PC: variants seen among roughly 807,000 people sequenced by gnomAD.
PC encodes pyruvate carboxylase, mitochondrial.
A neutral mutation model predicts 107.8 loss-of-function variants in PC; 46 were observed. The observed-to-expected ratio is 0.43, with a 90% confidence interval of 0.34 to 0.55. PC has a LOEUF of 0.55. Among genes scored for constraint, PC ranks in the 20% least tolerant of loss-of-function variants. The probability of loss-of-function intolerance (pLI) is 0.04; values close to 1 mark genes in which losing one functional copy is unlikely to be tolerated. For synonymous variants in PC, 662 were observed against 684.7 expected (o/e 0.97, Z 0.52); for missense variants, 1,241 against 1,643.1 (o/e 0.76, Z 4.23).
At chr11:66,880,717 G>A (rs940102400) in intron 3 of PC, among the ~76,000 whole-genome samples, 6 of 152,240 alleles carry the variant, frequency 3.9e-5, no homozygotes, top group African/African-American at 9.6e-5. Flanking sequence ...CAGAATAGGC[G>A]ATGGCCAGGC....
rs544488113 is a variant in PC, at chr11:66,903,328, A to T, written c.1-31169T>A. On this transcript the variant is annotated intron_variant, in intron 3 of 22. Transcript: ENST00000393960. ...AATAATTCATAATAGCTGGAGTGCC[A>T]GGCCTTGGGTGAGGCACCATCCTGA... is the stretch of plus-strand genomic sequence containing the variant. Among the ~76,000 whole-genome samples, 7 of 152,318 alleles carry T rather than the reference A, an allele frequency of 4.6e-5. No individual in the cohort carries two copies. The East Asian group carries it at 1.3e-3, about 29-fold the overall frequency.
chr11:66,929,007 C>T (rs1001346539), intron 3 of PC, among the ~76,000 whole-genome samples: 1 of 152,118 alleles, frequency 6.6e-6, no homozygotes, highest in African/African-American at 2.4e-5. Flanking sequence ...GTAAGCAACC[C>T]TATCTGTACT....
intron 1 of PC, among the ~76,000 whole-genome samples, chr11:66,955,109 C>T (rs1591325802): frequency 6.6e-6 from 1 of 152,346 alleles, no homozygotes; most frequent in South Asian, 2.1e-4. Context: ...CCATCTTGCA[C>T]CCTTCTCTCC....
At chr11:66,956,221 G>A (rs1176731248) in intron 1 of PC, among the ~76,000 whole-genome samples, 2 of 152,166 alleles carry the variant, frequency 1.3e-5, no homozygotes, top group African/African-American at 4.8e-5. Flanking sequence ...ACACCCAACA[G>A]TGAAGCTGTT....
intron 3 of PC, among the ~76,000 whole-genome samples, chr11:66,901,533 G>A (rs138913952): frequency 2.9e-4 from 44 of 152,178 alleles, no homozygotes; most frequent in Admixed American, 1.2e-3. Context: ...ACAATGGCGC[G>A]ATCTTGGCTC....
chr11:66,944,627 A>ATAACAATATTCTATTGT lies in PC; in HGVS notation c.-1+7802_-1+7803insACAATAGAATATTGTTA, dbSNP rs1949243348. 3.4e-5 allele frequency among the ~76,000 whole-genome samples: 4 copies of ATAACAATATTCTATTGT among 117,744 alleles called. 1 individual carries two copies. The highest frequency in any genetic ancestry group is 1.2e-4 in the African/African-American group (4 of 32,856). The allele number at this position is 117,744 out of a possible 152,430, so 77.2% of individuals were successfully genotyped here. A position where few individuals can be genotyped will look rare whatever the true frequency, so the allele number is the denominator to read the frequency against. ...ATAAATAAATTTCTATTGTTTATAA[A>ATAACAATATTCTATTGT]TTACCTAGAATAAGGTTATTTTGTT... On this transcript the variant is annotated intron_variant, in intron 3 of 22. Coordinates refer to ENST00000393960, the MANE Select transcript of PC (RefSeq NM_001040716.2).
At chr11:66,883,923 CA>C (rs1947270053) in intron 3 of PC, among the ~76,000 whole-genome samples, 1 of 150,672 alleles carries the variant, frequency 6.6e-6, no homozygotes, top group Non-Finnish European at 1.5e-5. Flanking sequence ...CTGTCTCTGC[CA>C]AAAAATTAAA....
At chr11:66,849,204 C>G (rs1490781322) in intron 22 of PC, 26 bp downstream of exon 22, 1 of 1,613,792 alleles carries the variant, frequency 6.2e-7, no homozygotes, top group Admixed American at 1.7e-5. Flanking sequence ...GCCCCACCGC[C>G]TGGCTGGCCC....
chr11:66,871,848 G>A lies in PC; in HGVS notation c.160C>T (p.Arg54Trp), dbSNP rs1234297365. 8 of 1,608,206 alleles carry A rather than the reference G, an allele frequency of 5.0e-6. No individual in the cohort carries two copies. In the East Asian group the frequency reaches 6.7e-5, roughly 13 times the overall value. Residue 54 changes from arginine (R) to tryptophan (W), a missense_variant, in exon 5 of 23, where the codon CGG (arginine) becomes TGG (tryptophan). By Grantham distance (101) the Arg-to-Trp change is moderately radical. This residue lies in a region of PC where 1,143 missense variants were observed against 1,551.9 expected (regional missense o/e 0.74). Transcript: ENST00000393960. The surrounding 1 kb of genome is among the most constrained non-coding windows in gnomAD (Gnocchi z 7.4). ...CGGATGCCCAGCTCCGTGCAGGCCC[G>A]GAACACACGGATGGCAATCTCACCT... ...NRGEIAIRVF[R>W]ACTELGIRTV...
At chr11:66,907,243 C>T (rs1948192520) in intron 3 of PC, among the ~76,000 whole-genome samples, 1 of 152,220 alleles carries the variant, frequency 6.6e-6, no homozygotes, top group Admixed American at 6.5e-5. Context: ...AAAACCTGTT[C>T]TCGGCCAGGA....
rs761189138 is a variant in PC at position 66,851,082 on chromosome 11, G to C, written c.2181C>G (p.Ala727=). The part of the protein sequence containing the change: ...KYSLQYYMGL[A]EELVRAGTHI... Reference sequence around the variant, plus strand: ...GGGTGCCAGCTCGCACCAGCTCTTCGGCCAAGCCCATGTAGTACTGCAGTG... The same window carrying C: ...GGGTGCCAGCTCGCACCAGCTCTTCCGCCAAGCCCATGTAGTACTGCAGTG... The change falls in exon 17 of 23, where the codon GCC becomes GCG. Residue 727 remains alanine, a synonymous_variant. Coordinates refer to ENST00000393960, the MANE Select transcript of PC (RefSeq NM_001040716.2). 2 of 1,613,094 alleles carry C rather than the reference G, an allele frequency of 1.2e-6. No homozygotes were observed. The highest frequency in any genetic ancestry group is 1.7e-6 in the Non-Finnish European group (2 of 1,180,022).
chr11:66,875,419 G>T (rs1177059131), intron 3 of PC, among the ~76,000 whole-genome samples: 7 of 152,154 alleles, frequency 4.6e-5, no homozygotes, highest in Non-Finnish European at 8.8e-5. Flanking sequence ...CAAGCTCACA[G>T]AGGGGGAAGA....
At position 66,849,357 on chromosome 11, in the gene PC, C is replaced by T. The variant is rs773764263; in HGVS notation, c.3161G>A (p.Arg1054Gln). Residue 1054 changes from arginine (R) to glutamine (Q), a missense_variant, in exon 22 of 23, where the codon CGG becomes CAG. Arg to Gln is a conservative substitution (Grantham distance 43). Coordinates refer to ENST00000393960, the MANE Select transcript of PC (RefSeq NM_001040716.2). ...IAEEFEVELE[R>Q]GKTLHIKALA... is the part of the protein sequence containing the mutation. ...GGCTTTGATGTGCAGCGTCTTGCCC[C>T]GCTCCAGCTCCACCTGCAGGGAGGG... 8 of 1,612,944 alleles carry T rather than the reference C, an allele frequency of 5.0e-6. No homozygotes were observed. In the East Asian group the frequency reaches 6.7e-5, roughly 13 times the overall value.
At position 66,870,203 on chromosome 11, in the gene PC, G is replaced by A. The variant is rs1305034837; in HGVS notation, c.903+99C>T. On this transcript the variant is annotated intron_variant, in intron 9 of 22. Transcript: ENST00000393960. This position sits in a 1 kb window ranked among gnomAD's most constrained non-coding sequence, Gnocchi z 6.1. ...TTCTCCCCATCCCCAGTCCCCAGAA[G>A]GGGACTCAGGGTCCCCTTCCCCAAC... 6.9e-7 allele frequency: 1 copy of A among 1,444,568 alleles called. No individual in the cohort carries two copies. Among genetic ancestry groups the A allele is most frequent in the East Asian group, 2.3e-5 (1 of 43,670 alleles). The allele number at this position is 1,444,568 out of a possible 1,614,324, so 89.5% of individuals were successfully genotyped here.
intron 3 of PC, among the ~76,000 whole-genome samples, chr11:66,891,694 T>C (rs923243485): frequency 1.3e-4 from 20 of 152,160 alleles, no homozygotes; most frequent in Non-Finnish European, 2.8e-4. Context: ...ACCCAGCCAA[T>C]AGGCAAGTTT....
rs1230453487 is a variant in PC, at chr11:66,945,420, G to GC, written c.-1+7009_-1+7010insG. Among the ~76,000 whole-genome samples the GC allele has an allele frequency of 1.7e-4, 17 of 97,266 alleles. 4 individuals are homozygous for GC. The highest frequency in any genetic ancestry group is 3.7e-4 in the African/African-American group (9 of 24,396). 63.8% of individuals were successfully genotyped at this position (97,266 alleles called of 152,430 possible). Reference sequence around the variant, plus strand: ...AGATTAACTGAATTCAAATGGTTTGGGGGGGCGGGTCGGAACTGCAGAGTT... The same window carrying GC: ...AGATTAACTGAATTCAAATGGTTTGGCGGGGGCGGGTCGGAACTGCAGAGTT... On this transcript the variant is annotated intron_variant, in intron 3 of 22. Transcript: ENST00000393960.
At chr11:66,956,311 A>G (rs1949560012) in intron 1 of PC, among the ~76,000 whole-genome samples, 1 of 151,772 alleles carries the variant, frequency 6.6e-6, no homozygotes, top group African/African-American at 2.4e-5. Flanking sequence ...CTGGCCAGGC[A>G]TGATGGCTCA....
intron 3 of PC, among the ~76,000 whole-genome samples, chr11:66,921,025 C>CAA (rs529029813): frequency 9.6e-5 from 10 of 104,148 alleles, no homozygotes; most frequent in African/African-American, 1.7e-4. Flanking sequence ...GACTCCGTCT[C>CAA]AAAAAAAAAA....
At position 66,858,664 on chromosome 11, in the gene PC, A is replaced by G; in HGVS notation, c.1368+5110T>C. The stretch of plus-strand genomic sequence containing the variant: ...ACGCTGCGGTGCCGGGCCCTGGGTG[A>G]CCCCGCGCCTACCATGCACTGGGTC... On this transcript the variant is annotated intron_variant, in intron 12 of 22. Transcript: ENST00000393960. The surrounding 1 kb of genome is among the most constrained non-coding windows in gnomAD (Gnocchi z 5.9). The G allele has an allele frequency of 6.5e-7, 1 of 1,543,096 alleles. No individual in the cohort carries two copies.
Sources: gnomAD v4.1 joint callset for allele counts (sites outside exome capture counted in the v4.1 genomes callset) on GRCh38, gnomAD v4.1.1 for gene constraint, gnomAD v4.1.1 regional missense constraint, Gnocchi (gnomAD v3.1) non-coding constraint, MANE v1.5 for transcripts, NCBI Gene and HGNC (gene_info 2026-07-23, HGNC 2026-07-21) for gene names.